MID1: variants seen among roughly 807,000 people sequenced by gnomAD.
MID1 encodes the protein midline 1, also known as E3 ubiquitin-protein ligase Midline-1.
MID1 carries 7 observed loss-of-function variants against 40.4 expected under a neutral mutation model. The observed-to-expected ratio is 0.17, with a 90% CI of 0.10 to 0.33. The LOEUF (loss-of-function observed/expected upper bound fraction) is 0.33, where lower values mean the gene tolerates loss of function less well. Among genes scored for constraint, MID1 ranks in the 10% least tolerant of loss-of-function variants. The pLI is 1.00. For synonymous variants in MID1, 229 were observed against 221.2 expected (o/e 1.04, Z -0.31); for missense variants, 367 against 558.5 (o/e 0.66, Z 3.46).
chrX:10,567,037 G>A lies in MID1; in HGVS notation c.511C>T (p.Arg171Trp), dbSNP rs1464375714. The A allele has an allele frequency of 8.3e-7, 1 of 1,209,686 alleles. No homozygotes were observed. Among genetic ancestry groups the A allele is most frequent in the Non-Finnish European group, 1.1e-6 (1 of 895,142 alleles). The change falls in exon 2 of 10, where the codon CGG (arginine) becomes TGG (tryptophan). Residue 171 changes from arginine to tryptophan, a missense_variant. Physicochemically the swap from Arg to Trp is moderately radical, Grantham distance 101. This residue lies in a region of MID1 where 14 missense variants were observed against 62.8 expected (regional missense o/e 0.22). Transcript: ENST00000317552. ...TCATGCTCCAAGCACATCAGCCCCC[G>A]GATGTGAGAGTCCGGAATTGGCTCA... ...LIEPIPDSHIRGLMCLEHEDE... is the reference protein window; with the variant it reads ...LIEPIPDSHIWGLMCLEHEDE...
chrX:10,760,110 A>T (rs138857808), intron 1 of MID1, among the ~76,000 whole-genome samples: 18 of 111,970 alleles, frequency 1.6e-4, no homozygotes, highest in Non-Finnish European at 3.4e-4. Context: ...CATCAAGTCG[A>T]TCACAAATTA....
rs185080523 is a variant in MID1, at chrX:10,626,357, C to T, written c.-186-5938G>A. Among the ~76,000 whole-genome samples, 6 of 105,298 alleles carry T rather than the reference C, an allele frequency of 5.7e-5. 1 individual carries two copies. Among genetic ancestry groups the T allele is most frequent in the Admixed American group, 5.1e-4 (5 of 9,784 alleles). 91.4% of individuals were successfully genotyped at this position (105,298 alleles called of 115,157 possible). A position where few individuals can be genotyped will look rare whatever the true frequency, so the allele number is the denominator to read the frequency against. ...TTATTATTATTATTAAAGACTAGGT[C>T]TCGCTGTGTTGCCCAGGCTGGAGTG... On this transcript the variant is annotated intron_variant, in intron 1 of 10. Transcript: ENST00000380785.
intron 1 of MID1, among the ~76,000 whole-genome samples, chrX:10,794,243 T>C (rs138455539): frequency 0.012 from 1,315 of 111,971 alleles, 10 homozygotes; most frequent in Non-Finnish European, 0.017. Context: ...CAGAAGGCCC[T>C]AACCCATACC....
chrX:10,767,451 C>T (rs761444352), intron 1 of MID1, among the ~76,000 whole-genome samples: 2 of 110,744 alleles, frequency 1.8e-5, no homozygotes, highest in Admixed American at 9.7e-5. Context: ...TCTCAAGTAG[C>T]TGGGACTAAA....
intron 1 of MID1, among the ~76,000 whole-genome samples, chrX:10,699,765 C>T (rs948360578): frequency 5.4e-5 from 6 of 111,167 alleles, no homozygotes; most frequent in African/African-American, 1.6e-4. Context: ...GATCTTTTTA[C>T]GGTGTGCAGT....
intron 1 of MID1, among the ~76,000 whole-genome samples, chrX:10,615,782 A>G (rs745995926): frequency 2.2e-3 from 245 of 112,149 alleles, no homozygotes; most frequent in Admixed American, 3.5e-3. Flanking sequence ...GCCAGCTCAT[A>G]AAACTGGGCA....
At chrX:10,683,770 C>CTTTTTTTTTTTTTTT (rs34917176) in intron 1 of MID1, among the ~76,000 whole-genome samples, 3 of 45,087 alleles carry the variant, frequency 6.7e-5, no homozygotes, top group African/African-American at 3.2e-4. Context: ...TGCACGTCAT[C>CTTTTTTTTTTTTTTT]TTTTTTTTTT....
intron 1 of MID1, among the ~76,000 whole-genome samples, chrX:10,660,859 G>A (rs2042906719): frequency 8.9e-6 from 1 of 111,798 alleles, no homozygotes; most frequent in Non-Finnish European, 1.9e-5. Context: ...CACCTCTGAG[G>A]GAACAATGAG....
chrX:10,703,312 T>C (rs1028462955), intron 1 of MID1, among the ~76,000 whole-genome samples: 2 of 112,384 alleles, frequency 1.8e-5, no homozygotes, highest in Non-Finnish European at 3.7e-5. Context: ...ATGTGGTATT[T>C]AGCTACCAAC....
At chrX:10,667,185 C>T (rs754065400) in intron 1 of MID1, among the ~76,000 whole-genome samples, 1 of 111,695 alleles carries the variant, frequency 9.0e-6, no homozygotes, top group East Asian at 2.8e-4. Context: ...AATGTCCTCC[C>T]TGGCACACCA....
intron 1 of MID1, among the ~76,000 whole-genome samples, chrX:10,765,904 AG>A (rs1412297060): frequency 2.9e-5 from 3 of 104,237 alleles, no homozygotes; most frequent in African/African-American, 1.1e-4. Flanking sequence ...AAAGAAAGAA[AG>A]AAAAAGAAAG....
At chrX:10,478,202 T>G (rs1930117442) in intron 5 of MID1, among the ~76,000 whole-genome samples, 2 of 112,430 alleles carry the variant, frequency 1.8e-5, no homozygotes, top group Non-Finnish European at 3.8e-5. Flanking sequence ...TGCCTGGACT[T>G]AGTGAATAGC....
intron 1 of MID1, among the ~76,000 whole-genome samples, chrX:10,657,728 A>G (rs1349483334): frequency 8.9e-6 from 1 of 112,430 alleles, no homozygotes; most frequent in East Asian, 2.8e-4. Flanking sequence ...GGAGAATGAT[A>G]CTCTGATATG....
At chrX:10,681,678 G>A (rs1342977118) in intron 1 of MID1, among the ~76,000 whole-genome samples, 1 of 111,307 alleles carries the variant, frequency 9.0e-6, no homozygotes, top group Non-Finnish European at 1.9e-5. Context: ...AAGGTAAGGG[G>A]CCATATATTC....
At chrX:10,619,698 C>G (rs1935901372) in intron 1 of MID1, among the ~76,000 whole-genome samples, 1 of 112,493 alleles carries the variant, frequency 8.9e-6, no homozygotes, top group Admixed American at 9.4e-5. Flanking sequence ...CCTTTCTCCG[C>G]TCACTACTTT....
intron 3 of MID1, among the ~76,000 whole-genome samples, chrX:10,511,231 G>A (rs1273757898): frequency 4.0e-5 from 4 of 100,940 alleles, no homozygotes; most frequent in Non-Finnish European, 5.9e-5. Context: ...GGGTGACAGA[G>A]CAAGACTCCA....
At chrX:10,535,833 T>G (rs1308220764) in intron 2 of MID1, among the ~76,000 whole-genome samples, 1 of 112,149 alleles carries the variant, frequency 8.9e-6, no homozygotes, top group Non-Finnish European at 1.9e-5. Flanking sequence ...CTATTCACTT[T>G]CAAACGTCAA....
chrX:10,521,444 C>T (rs1932703298), intron 3 of MID1, among the ~76,000 whole-genome samples: 2 of 111,451 alleles, frequency 1.8e-5, no homozygotes, highest in African/African-American at 3.3e-5. Context: ...TTGGAGGATA[C>T]ACAAGAAGCA....
chrX:10,694,137 GGA>G (rs1271848524), intron 1 of MID1, among the ~76,000 whole-genome samples: 2 of 112,146 alleles, frequency 1.8e-5, no homozygotes, highest in Non-Finnish European at 1.9e-5. Context: ...TCTACTCCCA[GGA>G]GAGAGACAAA....
Sources: gnomAD v4.1 joint callset for allele counts (sites outside exome capture counted in the v4.1 genomes callset) on GRCh38, gnomAD v4.1.1 for gene constraint, gnomAD v4.1.1 regional missense constraint, MANE v1.5 for transcripts, NCBI Gene and HGNC (gene_info 2026-07-23, HGNC 2026-07-21) for gene names.